The following TENM3 variants were observed in gnomAD, a reference collection of about 807,000 sequenced individuals.
TENM3 encodes the protein teneurin transmembrane protein 3, also known as teneurin-3.
Under a neutral mutation model 255.1 loss-of-function variants are expected in TENM3, and 63 were observed. The ratio of observed to expected loss-of-function variants is 0.25; its 90% CI spans 0.20 to 0.30. TENM3 has a LOEUF of 0.30. Ranked by LOEUF, TENM3 falls within the 10% of genes least tolerant of loss-of-function variation. The pLI is 1.00. For synonymous variants in TENM3, 1,306 were observed against 1,322.3 expected (o/e 0.99, Z 0.27); for missense variants, 2,929 against 3,461.1 (o/e 0.85, Z 3.86).
the TENM3 span, among the ~76,000 whole-genome samples, chr4:181,553,534 C>T: frequency 7.2e-5 from 11 of 151,954 alleles, no homozygotes; most frequent in East Asian, 1.4e-3. Context: ...CTCCGCCTCC[C>T]GGGTTCACGT....
the TENM3 span, among the ~76,000 whole-genome samples, chr4:181,999,555 T>C: frequency 6.6e-6 from 1 of 152,172 alleles, no homozygotes. Flanking sequence ...GTTAGTGTCA[T>C]AACATTCCTG....
chr4:181,920,785 GT>G, the TENM3 span, among the ~76,000 whole-genome samples: 1 of 151,980 alleles, frequency 6.6e-6, no homozygotes, highest in African/African-American at 2.4e-5. Flanking sequence ...TGCTTTTGGT[GT>G]TTTAGACATG....
At chr4:182,572,457 C>T (rs191666223) in intron 3 of TENM3, among the ~76,000 whole-genome samples, 5 of 152,228 alleles carry the variant, frequency 3.3e-5, no homozygotes, top group African/African-American at 7.2e-5. Flanking sequence ...ACTTCAGTAC[C>T]GTCATGGTAA....
chr4:181,780,251 C>T, the TENM3 span, among the ~76,000 whole-genome samples: 2 of 152,284 alleles, frequency 1.3e-5, no homozygotes, highest in East Asian at 3.9e-4. Context: ...ACAGTCCCAC[C>T]AACAGTGTAA....
chr4:181,569,536 C>A, the TENM3 span, among the ~76,000 whole-genome samples: 1 of 152,146 alleles, frequency 6.6e-6, no homozygotes, highest in African/African-American at 2.4e-5. Flanking sequence ...CCTTTTTGCA[C>A]TGGATTTCTG....
At chr4:182,036,792 T>G in the TENM3 span, among the ~76,000 whole-genome samples, 1 of 152,184 alleles carries the variant, frequency 6.6e-6, no homozygotes, top group African/African-American at 2.4e-5. Flanking sequence ...TTATTAATTT[T>G]CCTGATAAAA....
In TENM3 at chr4:182,346,712, A is replaced by G. The variant is rs1486086315; in HGVS notation, c.294A>G (p.Ala98=). 6.2e-7 allele frequency: 1 copy of G among 1,613,680 alleles called. No homozygotes were observed. Among genetic ancestry groups the G allele is most frequent in the Non-Finnish European group, 8.5e-7 (1 of 1,179,850 alleles). The change falls in exon 3 of 28, where the codon GCA becomes GCG. Residue 98 remains alanine, a synonymous_variant. Transcript: ENST00000511685. ...VCEPATRRGL[A]FCAEMGLPHR... The stretch of plus-strand genomic sequence containing the variant: ...AACCAGCAACTCGAAGAGGACTGGC[A>G]TTTTGTGCGGAAATGGGGCTCCCTC...
the TENM3 span, among the ~76,000 whole-genome samples, chr4:181,663,149 A>G: frequency 0.15 from 22,790 of 152,162 alleles, 2,113 homozygotes; most frequent in East Asian, 0.22. Flanking sequence ...CTGGTCACTC[A>G]TCACCTAGTT....
At chr4:181,678,456 A>G in the TENM3 span, among the ~76,000 whole-genome samples, 1 of 151,958 alleles carries the variant, frequency 6.6e-6, no homozygotes, top group South Asian at 2.1e-4. Context: ...TTTAGGAGGC[A>G]ATTTTGTATC....
intron 24 of TENM3, among the ~76,000 whole-genome samples, chr4:182,787,097 C>A (rs377232972): frequency 1.3e-5 from 2 of 151,542 alleles, no homozygotes; most frequent in East Asian, 1.9e-4. Flanking sequence ...ACAAAGTATT[C>A]TACAAAGCTC....
chr4:182,251,133 G>T (rs1358322047), intron 1 of TENM3, among the ~76,000 whole-genome samples: 2 of 152,202 alleles, frequency 1.3e-5, no homozygotes, highest in African/African-American at 2.4e-5. Context: ...TGGATTTCCA[G>T]GTTATCAATT....
chr4:181,928,872 T>C, the TENM3 span, among the ~76,000 whole-genome samples: 1 of 152,182 alleles, frequency 6.6e-6, no homozygotes, highest in Non-Finnish European at 1.5e-5. Flanking sequence ...TGGGGGCCAA[T>C]ATTCAACTTT....
At chr4:182,147,555 G>A (rs1750053954) in intron 1 of TENM3, among the ~76,000 whole-genome samples, 1 of 152,158 alleles carries the variant, frequency 6.6e-6, no homozygotes, top group African/African-American at 2.4e-5. Flanking sequence ...CAGCAGCTGT[G>A]ATGAATTGTC....
intron 3 of TENM3, among the ~76,000 whole-genome samples, chr4:182,455,547 G>T (rs1773797542): frequency 7.5e-6 from 1 of 133,040 alleles, no homozygotes; most frequent in Non-Finnish European, 1.6e-5. Context: ...GACTTGCATG[G>T]TATTTCTTTT....
chr4:182,455,896 G>A (rs6840599), intron 3 of TENM3, among the ~76,000 whole-genome samples: 28,980 of 151,896 alleles, frequency 0.19, 3,722 homozygotes, highest in East Asian at 0.47. Flanking sequence ...TCCTCCTCTC[G>A]GGCTTCCTTA....
At chr4:181,943,911 T>C in the TENM3 span, among the ~76,000 whole-genome samples, 13 of 152,096 alleles carry the variant, frequency 8.5e-5, no homozygotes, top group Admixed American at 7.9e-4. Flanking sequence ...TTTCTCTATC[T>C]CGCCACACAG....
At chr4:182,250,658 C>A (rs541758413) in intron 1 of TENM3, among the ~76,000 whole-genome samples, 1 of 152,160 alleles carries the variant, frequency 6.6e-6, no homozygotes, top group Non-Finnish European at 1.5e-5. Context: ...TGAATGATTT[C>A]CAGCTAGTAG....
the TENM3 span, among the ~76,000 whole-genome samples, chr4:181,787,208 A>G: frequency 4.8e-4 from 73 of 152,300 alleles, no homozygotes; most frequent in Middle Eastern, 3.4e-3. Flanking sequence ...TCAATCTTAA[A>G]ATAGAGATCA....
chr4:181,989,577 T>G, the TENM3 span, among the ~76,000 whole-genome samples: 3 of 152,202 alleles, frequency 2.0e-5, no homozygotes, highest in African/African-American at 7.2e-5. Context: ...TTTTCTTTCT[T>G]TTCACTATTC....
Sources: gnomAD v4.1 joint callset for allele counts (sites outside exome capture counted in the v4.1 genomes callset) on GRCh38, gnomAD v4.1.1 for gene constraint, MANE v1.5 for transcripts, NCBI Gene and HGNC (gene_info 2026-07-23, HGNC 2026-07-21) for gene names.